The following PACS2 variants were observed in gnomAD, a reference collection of about 807,000 sequenced individuals.
PACS2 encodes the protein phosphofurin acidic cluster sorting protein 2, also known as PACS1-like protein.
Under a neutral mutation model 113.0 loss-of-function variants are expected in PACS2, and 36 were observed. That is an observed-to-expected ratio of 0.32 (90% CI 0.24 to 0.42). The LOEUF (loss-of-function observed/expected upper bound fraction) is 0.42, where lower values mean the gene tolerates loss of function less well. PACS2 is among the 10% of genes least tolerant of loss of function. The pLI, the probability that PACS2 is intolerant of heterozygous loss-of-function variation, is 1.00. For synonymous variants in PACS2, 589 were observed against 536.1 expected, an observed-to-expected ratio of 1.10 and a Z score of -1.36; for missense variants, 1,015 against 1,239.5, an observed-to-expected ratio of 0.82 and a Z score of 2.72.
In PACS2 at chr14:105,382,053, C is replaced by G. The variant is rs2141244133; in HGVS notation, c.1408C>G (p.Leu470Val). ...CGCCCGGAGCCAGCTACAGGTGCAG[C>G]TGCAGGTGGGGGTGGAGGGCGTGGC... ...PDARSQLQVQ[L>V]QIPRKTVYDQ... Residue 470 changes from leucine (L) to valine (V), a missense_variant, in exon 13 of 25, where the codon CTG (leucine) becomes GTG (valine). Coordinates refer to ENST00000447393, the MANE Select transcript of PACS2 (RefSeq NM_001100913.3). 6.5e-7 allele frequency: 1 copy of G among 1,543,192 alleles called. No homozygotes were observed. Among genetic ancestry groups the G allele is most frequent in the Non-Finnish European group, 8.7e-7 (1 of 1,146,520 alleles).
In PACS2 at chr14:105,315,710, C is replaced by A; in HGVS notation, c.119+673C>A. 6.6e-6 allele frequency: 1 copy of A among 152,298 alleles called. No individual in the cohort carries two copies. Among genetic ancestry groups the A allele is most frequent in the Non-Finnish European group, 1.5e-5 (1 of 68,066 alleles). 9.4% of individuals were successfully genotyped at this position (152,298 alleles called of 1,614,324 possible). A position where few individuals can be genotyped will look rare whatever the true frequency, so the allele number is the denominator to read the frequency against. On this transcript the variant is annotated intron_variant, in intron 1 of 24. Coordinates refer to ENST00000447393, the MANE Select transcript of PACS2 (RefSeq NM_001100913.3). The surrounding 1 kb of genome is among the most constrained non-coding windows in gnomAD (Gnocchi z 4.4). ...GTAACGATTGGACAGGGTTTACCCT[C>A]CGGCCATAGCCCAGCCTTCCTTGGA...
chr14:105,303,535 G>T (rs58129451), intron 1 of PACS2, among the ~76,000 whole-genome samples: 1 of 152,206 alleles, frequency 6.6e-6, no homozygotes, highest in East Asian at 1.9e-4. Flanking sequence ...GAGCCATCGC[G>T]CCTGGCCTTT....
Position 105,366,562 on chromosome 14 carries a change from C to T in PACS2, c.424-651C>T, listed in dbSNP as rs2060948207. On this transcript the variant is annotated intron_variant, in intron 4 of 24. Transcript: ENST00000447393. The surrounding 1 kb of genome is among the most constrained non-coding windows in gnomAD (Gnocchi z 4.3). ...GCTGCAGGAGGGGCCGGGGCTTGTT[C>T]TGCAGCTCCGTGGTTTGAGTGCCTC... Among the ~76,000 whole-genome samples, 1 of 152,142 alleles carries T rather than the reference C, an allele frequency of 6.6e-6. No individual in the cohort carries two copies. Among genetic ancestry groups the T allele is most frequent in the South Asian group, 2.1e-4 (1 of 4,822 alleles).
chr14:105,335,919 G>A lies in PACS2; in HGVS notation c.120-12574G>A, dbSNP rs191396133. Among the ~76,000 whole-genome samples, 331 of 152,342 alleles carry A rather than the reference G, an allele frequency of 2.2e-3. 1 individual carries two copies. Among genetic ancestry groups the A allele is most frequent in the African/African-American group, 7.2e-3 (300 of 41,580 alleles). Reference sequence around the variant, plus strand: ...CCGTGGAACTCTCTCCATGAGGACGGCGGTGCCCTGGGGCCCAGCTACGAG... The same window carrying A: ...CCGTGGAACTCTCTCCATGAGGACGACGGTGCCCTGGGGCCCAGCTACGAG... On this transcript the variant is annotated intron_variant, in intron 1 of 24. Transcript: ENST00000447393.
At chr14:105,345,940 C>T (rs1041483916) in intron 1 of PACS2, among the ~76,000 whole-genome samples, 1 of 152,310 alleles carries the variant, frequency 6.6e-6, no homozygotes, top group Non-Finnish European at 1.5e-5. Context: ...GCGTTTCTGC[C>T]AAGTCCTAGG....
chr14:105,390,771 G>A (rs2081328941), intron 20 of PACS2: 4 of 241,448 alleles, frequency 1.7e-5, no homozygotes. Context: ...AGTACACTGT[G>A]CTCGGGCACA....
At chr14:105,384,312 G>A (rs782713168) in intron 16 of PACS2, 41 bp from the exon 17 acceptor site, 15 of 1,233,644 alleles carry the variant, frequency 1.2e-5, no homozygotes, top group South Asian at 4.9e-5. Context: ...TTGCAGCTCC[G>A]AGTCCCCCGT....
At position 105,384,972 on chromosome 14, in the gene PACS2, C is replaced by T. The variant is rs2081123634; in HGVS notation, c.1985C>T (p.Thr662Ile). ...HQLPIAEAML[T>I]YKQKRKKHFH... ...CTCCCCATCGCAGAGGCCATGCTGA[C>T]CTACAAGCAGAAGAGGTAACGCGGT... Residue 662 changes from threonine to isoleucine, a missense_variant, in exon 18 of 25, where the codon ACC (threonine) becomes ATC (isoleucine). Thr to Ile is a moderately conservative substitution (Grantham distance 89, BLOSUM62 -1). Around this residue, in one of 3 missense-constraint regions of PACS2, gnomAD observed 859 missense variants for 1,056.8 expected, o/e 0.81. Transcript: ENST00000447393. The T allele has an allele frequency of 2.5e-6, 4 of 1,581,276 alleles. No homozygotes were observed. The highest frequency in any genetic ancestry group is 3.4e-6 in the Non-Finnish European group (4 of 1,162,266).
chr14:105,373,968 A>G (rs2141188065), intron 8 of PACS2, among the ~76,000 whole-genome samples: 1 of 152,146 alleles, frequency 6.6e-6, no homozygotes, highest in Non-Finnish European at 1.5e-5. Flanking sequence ...CCTGGCTAAC[A>G]TAGTGAAATC....
intron 1 of PACS2, among the ~76,000 whole-genome samples, chr14:105,327,898 C>T (rs2059180709): frequency 6.6e-6 from 1 of 152,070 alleles, no homozygotes; most frequent in Non-Finnish European, 1.5e-5. Flanking sequence ...GGCTCACCGG[C>T]CCAGGCCACC....
chr14:105,387,788 G>T (rs587661111), intron 19 of PACS2, among the ~76,000 whole-genome samples: 6 of 152,368 alleles, frequency 3.9e-5, no homozygotes, highest in South Asian at 2.1e-4. Flanking sequence ...TGGCTCGGTG[G>T]GGGGGTCTGG....
chr14:105,391,398 G>T, intron 21 of PACS2, 149 bp downstream of exon 21: 2 of 695,708 alleles, frequency 2.9e-6, no homozygotes, highest in South Asian at 3.4e-5. Flanking sequence ...TCCTGCGGGG[G>T]GTTCATCCTC....
chr14:105,321,848 T>G (rs1243896416), intron 1 of PACS2, among the ~76,000 whole-genome samples: 2 of 152,134 alleles, frequency 1.3e-5, no homozygotes, highest in African/African-American at 4.8e-5. Flanking sequence ...TTTTCTATCC[T>G]TTTTAAAAAC....
chr14:105,336,835 GAC>G (rs1555400614), intron 1 of PACS2, among the ~76,000 whole-genome samples: 1 of 152,228 alleles, frequency 6.6e-6, no homozygotes, highest in African/African-American at 2.4e-5. Context: ...CGGGAAATGA[GAC>G]AGAGTTACCG....
rs781984745 is a variant in PACS2, at chr14:105,394,711, T to C, written c.*39T>C. On this transcript the variant is annotated 3_prime_UTR_variant, in exon 25 of 25. Coordinates refer to ENST00000447393, the MANE Select transcript of PACS2 (RefSeq NM_001100913.3). ...GGGGCCCACCTCCTGCCCCATGCTGTGAGGGGCCCAGCTGCATTTCTGTTA... is the reference window on the plus strand; with the variant it reads ...GGGGCCCACCTCCTGCCCCATGCTGCGAGGGGCCCAGCTGCATTTCTGTTA... 18 of 1,247,830 alleles carry C rather than the reference T, an allele frequency of 1.4e-5. No individual in the cohort carries two copies. The Middle Eastern group carries it at 3.0e-3, about 206-fold the overall frequency. The allele number at this position is 1,247,830 out of a possible 1,614,324, so 77.3% of individuals were successfully genotyped here. A position where few individuals can be genotyped will look rare whatever the true frequency, so the allele number is the denominator to read the frequency against.
chr14:105,375,786 T>C (rs2061334531), intron 8 of PACS2, among the ~76,000 whole-genome samples: 1 of 151,848 alleles, frequency 6.6e-6, no homozygotes, highest in African/African-American at 2.4e-5. Context: ...TTCAGGGAGG[T>C]GAACACACAC....
chr14:105,367,441 A>G, intron 5 of PACS2, 66 bp downstream of exon 5: 2 of 1,501,120 alleles, frequency 1.3e-6, no homozygotes, highest in East Asian at 2.3e-5. Flanking sequence ...GCCATGGCAC[A>G]TCGGGTGGCA....
At chr14:105,367,510 C>G (rs1179763354) in intron 5 of PACS2, 135 bp downstream of exon 5, 2 of 854,108 alleles carry the variant, frequency 2.3e-6, no homozygotes, top group African/African-American at 3.3e-5. Context: ...AGTTGCTCTC[C>G]TGTCTGGAAG....
chr14:105,327,517 G>A (rs981866800), intron 1 of PACS2, among the ~76,000 whole-genome samples: 1 of 152,198 alleles, frequency 6.6e-6, no homozygotes, highest in Non-Finnish European at 1.5e-5. Flanking sequence ...TGGGGGCGGG[G>A]CCAGGAATCA....
Sources: allele counts gnomAD v4.1 joint callset (sites outside exome capture counted in the v4.1 genomes callset), GRCh38; gene constraint gnomAD v4.1.1; regional missense constraint gnomAD v4.1.1; non-coding constraint Gnocchi (gnomAD v3.1); transcripts MANE v1.5; gene names NCBI Gene and HGNC (gene_info 2026-07-23, HGNC 2026-07-21).